The following RIN2 variants were observed in gnomAD, a reference collection of about 807,000 sequenced individuals.
RIN2 encodes the protein Ras and Rab interactor 2.
Under a neutral mutation model 78.0 loss-of-function variants are expected in RIN2, and 36 were observed. The ratio of observed to expected loss-of-function variants is 0.46; its 90% confidence interval spans 0.35 to 0.61. The LOEUF is 0.61. Ranked by LOEUF, RIN2 falls within the 20% of genes least tolerant of loss-of-function variation. RIN2 has a pLI of 0.00. For synonymous variants in RIN2, 466 were observed against 466.8 expected (o/e 1.00, Z 0.02); for missense variants, 1,087 against 1,159.7 (o/e 0.94, Z 0.91).
At chr20:19,909,028 C>T (rs1396769172) in intron 3 of RIN2, among the ~76,000 whole-genome samples, 1 of 152,170 alleles carries the variant, frequency 6.6e-6, no homozygotes, top group Non-Finnish European at 1.5e-5. Flanking sequence ...CCACTCCCAG[C>T]TAACTTTGTA....
chr20:19,824,158 C>T (rs1296518755), intron 2 of RIN2, among the ~76,000 whole-genome samples: 1 of 152,194 alleles, frequency 6.6e-6, no homozygotes, highest in East Asian at 1.9e-4. Flanking sequence ...TCTAGGCTCC[C>T]TCCCAATGGC....
At chr20:19,995,861 C>A (rs1403001443) in intron 11 of RIN2, among the ~76,000 whole-genome samples, 1 of 151,982 alleles carries the variant, frequency 6.6e-6, no homozygotes, top group Non-Finnish European at 1.5e-5. Flanking sequence ...TAGAAAATAT[C>A]AATTTCTAAA....
At chr20:19,868,987 CAGG>C (rs1225678863) in intron 2 of RIN2, among the ~76,000 whole-genome samples, 4 of 144,254 alleles carry the variant, frequency 2.8e-5, no homozygotes, top group Admixed American at 2.2e-4. Context: ...GAGGCAGAGA[CAGG>C]AGAATTGCTT....
intron 2 of RIN2, among the ~76,000 whole-genome samples, chr20:19,870,080 G>A (rs1417827747): frequency 6.6e-6 from 1 of 152,090 alleles, no homozygotes; most frequent in Non-Finnish European, 1.5e-5. Context: ...TCTGAACCAG[G>A]TTAGAGTAGA....
chr20:19,910,499 T>G (rs1160756319), intron 3 of RIN2, among the ~76,000 whole-genome samples: 1 of 151,538 alleles, frequency 6.6e-6, no homozygotes, highest in African/African-American at 2.4e-5. Flanking sequence ...TCTTTTTCTT[T>G]TCTTCTTCTT....
chr20:19,828,599 C>A (rs1382372228), intron 2 of RIN2, among the ~76,000 whole-genome samples: 1 of 152,176 alleles, frequency 6.6e-6, no homozygotes, highest in Non-Finnish European at 1.5e-5. Flanking sequence ...TCTCCATTAT[C>A]TTCTAATATG....
chr20:19,897,810 C>T lies in RIN2; in HGVS notation c.57+8152C>T, dbSNP rs560884978. 2.6e-5 allele frequency among the ~76,000 whole-genome samples: 4 copies of T among 152,070 alleles called. No homozygotes were observed. In the East Asian group the frequency reaches 7.8e-4, roughly 30 times the overall value. On this transcript the variant is annotated intron_variant, in intron 3 of 12. Transcript: ENST00000255006. ...TACTGCAGCCTGGAACTCCTGGGCT[C>T]AAGCTATCTTCCCCCATCAGCCTCC...
chr20:19,870,559 A>G (rs887709919), intron 2 of RIN2, among the ~76,000 whole-genome samples: 1 of 152,212 alleles, frequency 6.6e-6, no homozygotes, highest in African/African-American at 2.4e-5. Flanking sequence ...AGGCACGAGA[A>G]TCACTTGAAC....
chr20:19,977,443 G>T (rs1318403815), intron 9 of RIN2, among the ~76,000 whole-genome samples: 1 of 152,206 alleles, frequency 6.6e-6, no homozygotes, highest in African/African-American at 2.4e-5. Context: ...ACTCTAGAAG[G>T]ATGCAGCCTT....
chr20:19,848,534 C>CAAAAAAA (rs11352724), intron 2 of RIN2, among the ~76,000 whole-genome samples: 2 of 52,832 alleles, frequency 3.8e-5, no homozygotes, highest in African/African-American at 5.7e-5. Context: ...GACTCCATCT[C>CAAAAAAA]AAAAAAAAAA....
intron 2 of RIN2, among the ~76,000 whole-genome samples, chr20:19,860,841 A>T (rs1343971661): frequency 6.6e-6 from 1 of 152,158 alleles, no homozygotes; most frequent in Non-Finnish European, 1.5e-5. Context: ...ATTCACCTTT[A>T]CATCCCCATA....
At position 19,956,673 on chromosome 20, in the gene RIN2, C is replaced by A; in HGVS notation, c.217C>A (p.Arg73=). ...SEEEDVKTCA[R]DSGYDSLSNR... is the part of the protein sequence containing the mutation. ...GGAAGAGGACGTGAAGACCTGTGCC[C>A]GGGACTCAGGCTATGACAGCCTCTC... The change falls in exon 5 of 13, where the codon CGG becomes AGG. Residue 73 remains arginine, a synonymous_variant. Coordinates refer to ENST00000255006, the MANE Select transcript of RIN2 (RefSeq NM_018993.4). 6.2e-7 allele frequency: 1 copy of A among 1,613,050 alleles called. No homozygotes were observed. Among genetic ancestry groups the A allele is most frequent in the Non-Finnish European group, 8.5e-7 (1 of 1,179,608 alleles).
At chr20:19,928,744 G>A (rs1322968540) in intron 3 of RIN2, among the ~76,000 whole-genome samples, 8 of 152,116 alleles carry the variant, frequency 5.3e-5, no homozygotes, top group African/African-American at 1.9e-4. Flanking sequence ...TGCAGGACGA[G>A]GGAGTGGACC....
chr20:19,807,481 G>A (rs969336880), intron 2 of RIN2, among the ~76,000 whole-genome samples: 2 of 151,908 alleles, frequency 1.3e-5, no homozygotes, highest in Non-Finnish European at 2.9e-5. Context: ...ACACCCTAAG[G>A]CTCCAGGAAT....
intron 2 of RIN2, among the ~76,000 whole-genome samples, chr20:19,855,948 C>T (rs928540148): frequency 6.6e-6 from 1 of 152,136 alleles, no homozygotes; most frequent in African/African-American, 2.4e-5. Flanking sequence ...GTGGCAGGCA[C>T]CTGTGATCCC....
chr20:19,773,138 T>A (rs1024060040), intron 1 of RIN2, among the ~76,000 whole-genome samples: 1 of 152,178 alleles, frequency 6.6e-6, no homozygotes, highest in Non-Finnish European at 1.5e-5. Flanking sequence ...AAGCATGCCT[T>A]GTAGATGCAT....
At chr20:19,844,643 T>TTCTTCCTCTTCC (rs2036698116) in intron 2 of RIN2, among the ~76,000 whole-genome samples, 5 of 135,098 alleles carry the variant, frequency 3.7e-5, no homozygotes, top group African/African-American at 1.5e-4. Flanking sequence ...CTTCTTCTTC[T>TTCTTCCTCTTCC]TCTTCTTCTT....
chr20:19,971,185 A>ATT (rs11461198), intron 8 of RIN2, among the ~76,000 whole-genome samples: 292 of 148,572 alleles, frequency 2.0e-3, no homozygotes, highest in African/African-American at 6.1e-3. Flanking sequence ...CGCGTGCATG[A>ATT]TTTTTTTTTT....
At chr20:19,899,960 C>T (rs2038906469) in intron 3 of RIN2, among the ~76,000 whole-genome samples, 1 of 152,146 alleles carries the variant, frequency 6.6e-6, no homozygotes. Flanking sequence ...ACAAACTCAA[C>T]AACCTGCAGG....
Sources: gnomAD v4.1 joint callset for allele counts (sites outside exome capture counted in the v4.1 genomes callset) on GRCh38, gnomAD v4.1.1 for gene constraint, MANE v1.5 for transcripts, NCBI Gene and HGNC (gene_info 2026-07-23, HGNC 2026-07-21) for gene names.